MGAT4A: variants seen among roughly 807,000 people sequenced by gnomAD.
The protein encoded by MGAT4A is N-acetylglucosaminyltransferase IVa.
A neutral mutation model predicts 74.1 loss-of-function variants in MGAT4A; 33 were observed. The ratio of observed to expected loss-of-function variants is 0.45; its 90% confidence interval spans 0.34 to 0.60. The LOEUF (loss-of-function observed/expected upper bound fraction) is 0.60, where lower values mean the gene tolerates loss of function less well. Ranked by LOEUF, MGAT4A falls within the 20% of genes least tolerant of loss-of-function variation. The pLI is 0.02. For synonymous variants in MGAT4A, 198 were observed against 210.4 expected, an observed-to-expected ratio of 0.94 and a Z score of 0.51; for missense variants, 479 against 628.3, an observed-to-expected ratio of 0.76 and a Z score of 2.54.
chr2:98,665,427 G>A (rs1226751362), intron 4 of MGAT4A, among the ~76,000 whole-genome samples: 1 of 151,938 alleles, frequency 6.6e-6, no homozygotes, highest in African/African-American at 2.4e-5. Context: ...ACTAAGATGC[G>A]AAAGGTTTAA....
At chr2:98,705,666 G>C (rs185314482) in intron 2 of MGAT4A, among the ~76,000 whole-genome samples, 4 of 152,128 alleles carry the variant, frequency 2.6e-5, no homozygotes, top group African/African-American at 9.7e-5. Context: ...CTAACAGGCC[G>C]GGCGCGGTGG....
intron 2 of MGAT4A, among the ~76,000 whole-genome samples, chr2:98,696,085 G>C (rs1022957490): frequency 6.6e-6 from 1 of 151,920 alleles, no homozygotes; most frequent in Non-Finnish European, 1.5e-5. Flanking sequence ...GTCTCACTTT[G>C]TTGCCCAAGC....
At chr2:98,672,297 A>G (rs555638124) in intron 4 of MGAT4A, among the ~76,000 whole-genome samples, 1 of 152,232 alleles carries the variant, frequency 6.6e-6, no homozygotes, top group Non-Finnish European at 1.5e-5. Flanking sequence ...ATAATTGACT[A>G]TGTGACTAAT....
At chr2:98,729,951 A>G (rs928816901) in intron 1 of MGAT4A, among the ~76,000 whole-genome samples, 4 of 152,236 alleles carry the variant, frequency 2.6e-5, no homozygotes, top group Non-Finnish European at 4.4e-5. Context: ...AGCTTACGTA[A>G]TGTCATCGCC....
chr2:98,640,440 T>C (rs572115653), intron 10 of MGAT4A, among the ~76,000 whole-genome samples: 1 of 152,028 alleles, frequency 6.6e-6, no homozygotes, highest in African/African-American at 2.4e-5. Flanking sequence ...TGAAACCCCA[T>C]CTCTACTAAA....
At chr2:98,711,157 G>A (rs1262862516) in intron 2 of MGAT4A, among the ~76,000 whole-genome samples, 2 of 151,676 alleles carry the variant, frequency 1.3e-5, no homozygotes. Context: ...ACAAGTGGTC[G>A]GTAAGGAATG....
At chr2:98,655,400 C>A (rs1049088219) in intron 8 of MGAT4A, 45 bp downstream of exon 8, 3 of 1,443,816 alleles carry the variant, frequency 2.1e-6, no homozygotes, top group Non-Finnish European at 2.9e-6. Context: ...CTTGATAACA[C>A]TTTTTCTTTA....
At chr2:98,700,357 T>C (rs1030159173) in intron 2 of MGAT4A, among the ~76,000 whole-genome samples, 4 of 148,700 alleles carry the variant, frequency 2.7e-5, no homozygotes, top group African/African-American at 9.8e-5. Context: ...AAATACCATA[T>C]GAGTATTTAC....
At chr2:98,692,532 CCACT>C (rs926177417) in intron 2 of MGAT4A, among the ~76,000 whole-genome samples, 4 of 152,164 alleles carry the variant, frequency 2.6e-5, no homozygotes, top group Admixed American at 2.0e-4. Context: ...CATTCACTCC[CCACT>C]CACTCACTGA....
chr2:98,715,353 A>G (rs1702578438), intron 2 of MGAT4A, among the ~76,000 whole-genome samples: 1 of 151,630 alleles, frequency 6.6e-6, no homozygotes, highest in African/African-American at 2.4e-5. Flanking sequence ...ATGAGGGAGA[A>G]GAGACATCTC....
intron 14 of MGAT4A, among the ~76,000 whole-genome samples, chr2:98,631,202 G>C (rs1286393444): frequency 1.3e-5 from 2 of 152,126 alleles, no homozygotes; most frequent in African/African-American, 2.4e-5. Context: ...TCAACCCTCG[G>C]GTCTCCACTG....
At chr2:98,646,333 G>T (rs1426901154) in intron 8 of MGAT4A, among the ~76,000 whole-genome samples, 1 of 151,948 alleles carries the variant, frequency 6.6e-6, no homozygotes, top group African/African-American at 2.4e-5. Flanking sequence ...CCCTGAAGAG[G>T]AATAGCACTC....
chr2:98,642,615 G>A (rs1466308825), intron 10 of MGAT4A, among the ~76,000 whole-genome samples: 1 of 152,180 alleles, frequency 6.6e-6, no homozygotes, highest in South Asian at 2.1e-4. Flanking sequence ...AATTGCACAG[G>A]ACGAATGGAA....
rs1040238026 is a variant in MGAT4A at position 98,624,259 on chromosome 2, G to A, written c.*1307C>T. 2.7e-5 allele frequency: 20 copies of A among 738,168 alleles called. No individual in the cohort carries two copies. The highest frequency in any genetic ancestry group is 6.8e-4 in the Middle Eastern group (1 of 1,470). 45.7% of individuals were successfully genotyped at this position (738,168 alleles called of 1,614,324 possible). A position where few individuals can be genotyped will look rare whatever the true frequency, so the allele number is the denominator to read the frequency against. ...GATCTCCTGACCTCGTGATCCGCCCGCCTCGGCCTCCCAAAGTGCTGGGAT... is the reference window on the plus strand; with the variant it reads ...GATCTCCTGACCTCGTGATCCGCCCACCTCGGCCTCCCAAAGTGCTGGGAT... On this transcript the variant is annotated 3_prime_UTR_variant, in exon 16 of 16. Coordinates refer to ENST00000393487, the MANE Select transcript of MGAT4A (RefSeq NM_012214.3).
intron 2 of MGAT4A, among the ~76,000 whole-genome samples, chr2:98,687,838 C>T (rs1031400461): frequency 5.3e-5 from 8 of 152,192 alleles, no homozygotes; most frequent in African/African-American, 1.9e-4. Context: ...GGCTGCGGCA[C>T]TCCCACTTTA....
chr2:98,682,901 C>T (rs1198814364), intron 2 of MGAT4A, among the ~76,000 whole-genome samples: 3 of 151,742 alleles, frequency 2.0e-5, no homozygotes, highest in East Asian at 1.9e-4. Context: ...CTGGCTAACA[C>T]GGTGAAACCC....
intron 2 of MGAT4A, among the ~76,000 whole-genome samples, chr2:98,720,186 G>A (rs189583502): frequency 5.3e-5 from 8 of 152,164 alleles, no homozygotes; most frequent in Non-Finnish European, 1.2e-4. Context: ...TCAATCTCAC[G>A]GGGCTAAGGA....
At position 98,625,837 on chromosome 2, in the gene MGAT4A, T is replaced by C. The variant is rs1559153010; in HGVS notation, c.1469-2A>G. ...CTGCAACACCATTCTCAAATTTTCC[T>C]TCAAAATAAAAATCAATACTTGTTG... On this transcript the variant is annotated splice_acceptor_variant, in intron 14 of 15. Coordinates refer to ENST00000393487, the MANE Select transcript of MGAT4A (RefSeq NM_012214.3). LOFTEE classifies it high-confidence loss of function. 1 of 1,602,132 alleles carries C rather than the reference T, an allele frequency of 6.2e-7. No individual in the cohort carries two copies. The highest frequency in any genetic ancestry group is 1.7e-5 in the Admixed American group (1 of 59,708).
intron 2 of MGAT4A, among the ~76,000 whole-genome samples, chr2:98,679,354 T>C (rs959054687): frequency 2.2e-5 from 3 of 134,844 alleles, no homozygotes; most frequent in Admixed American, 1.8e-4. Flanking sequence ...TGCAGTGAGC[T>C]GAGATCGCGC....
Sources: gnomAD v4.1 joint callset for allele counts (sites outside exome capture counted in the v4.1 genomes callset) on GRCh38, gnomAD v4.1.1 for gene constraint, MANE v1.5 for transcripts, NCBI Gene and HGNC (gene_info 2026-07-23, HGNC 2026-07-21) for gene names.